ADCK1: variants seen among roughly 807,000 people sequenced by gnomAD.
The protein encoded by ADCK1 is aarF domain-containing protein kinase 1.
A neutral mutation model predicts 52.3 loss-of-function variants in ADCK1; 41 were observed. The observed-to-expected ratio is 0.78, with a 90% CI of 0.61 to 1.02. The LOEUF (loss-of-function observed/expected upper bound fraction) is 1.02, where lower values mean the gene tolerates loss of function less well. Among genes scored for constraint, ADCK1 ranks in the 50% least tolerant of loss-of-function variants. The pLI is 0.00. For missense variants in ADCK1, 658 were observed against 679.5 expected (o/e 0.97, Z 0.35); for synonymous variants, 250 against 274.6 (o/e 0.91, Z 0.89).
chr14:77,874,075 G>A (rs950841576), intron 4 of ADCK1, among the ~76,000 whole-genome samples: 1 of 152,204 alleles, frequency 6.6e-6, no homozygotes, highest in African/African-American at 2.4e-5. Context: ...TGGGGAGACT[G>A]TGGGACTAGA....
At chr14:77,868,108 C>T (rs1322669360) in intron 4 of ADCK1, among the ~76,000 whole-genome samples, 1 of 152,204 alleles carries the variant, frequency 6.6e-6, no homozygotes, top group Non-Finnish European at 1.5e-5. Context: ...TTCTGTTGTT[C>T]AGTGGCAAGT....
intron 5 of ADCK1, among the ~76,000 whole-genome samples, chr14:77,894,447 G>A (rs1195438179): frequency 2.6e-5 from 4 of 152,140 alleles, no homozygotes; most frequent in Non-Finnish European, 5.9e-5. Flanking sequence ...AAGCTCCTCT[G>A]CCTTATCTTG....
At chr14:77,852,114 T>C (rs923911053) in intron 3 of ADCK1, among the ~76,000 whole-genome samples, 14 of 152,284 alleles carry the variant, frequency 9.2e-5, no homozygotes, top group Admixed American at 8.5e-4. Flanking sequence ...TTCTTCTGCC[T>C]CAGCCTCCAG....
At chr14:77,907,587 G>A (rs2083694634) in intron 6 of ADCK1, among the ~76,000 whole-genome samples, 1 of 152,228 alleles carries the variant, frequency 6.6e-6, no homozygotes, top group African/African-American at 2.4e-5. Context: ...GTATCTAAAG[G>A]AGTGGGCGGA....
Position 77,922,709 on chromosome 14 carries a change from G to A in ADCK1, c.859-1748G>A, listed in dbSNP as rs142003860. 3.0e-4 allele frequency among the ~76,000 whole-genome samples: 45 copies of A among 152,292 alleles called. No homozygotes were observed. In the East Asian group the frequency reaches 8.5e-3, roughly 29 times the overall value. ...GGTCAGCTGGTGTGAATCTTGGCTC[G>A]ACCCTTTTCTAGCCATGAGTTAGTT... On this transcript the variant is annotated intron_variant, in intron 7 of 10. Transcript: ENST00000238561.
chr14:77,918,353 C>G (rs2083975432), intron 7 of ADCK1, among the ~76,000 whole-genome samples: 1 of 152,194 alleles, frequency 6.6e-6, no homozygotes, highest in African/African-American at 2.4e-5. Context: ...CCTAGCAACC[C>G]ATATTTCTGA....
At chr14:77,892,990 A>G (rs1432257378) in intron 5 of ADCK1, among the ~76,000 whole-genome samples, 1 of 152,186 alleles carries the variant, frequency 6.6e-6, no homozygotes, top group African/African-American at 2.4e-5. Context: ...GAAGGATGGC[A>G]GGGAAGGGAG....
At chr14:77,817,629 GCA>G (rs1056470498) in intron 1 of ADCK1, among the ~76,000 whole-genome samples, 29 of 152,196 alleles carry the variant, frequency 1.9e-4, no homozygotes, top group Admixed American at 1.8e-3. Context: ...CAGCAGGTAG[GCA>G]TTAAGCCTCT....
intron 3 of ADCK1, among the ~76,000 whole-genome samples, chr14:77,834,047 G>A (rs1307803896): frequency 6.6e-6 from 1 of 152,128 alleles, no homozygotes; most frequent in Non-Finnish European, 1.5e-5. Context: ...TATAGCCCGT[G>A]GGTACTTCCT....
intron 5 of ADCK1, among the ~76,000 whole-genome samples, chr14:77,897,022 A>T (rs1282150529): frequency 6.6e-6 from 1 of 152,152 alleles, no homozygotes; most frequent in Non-Finnish European, 1.5e-5. Context: ...CATTGGGCAA[A>T]ATATCATAGA....
At chr14:77,932,443 A>G (rs554671349) in intron 10 of ADCK1, among the ~76,000 whole-genome samples, 94 of 152,308 alleles carry the variant, frequency 6.2e-4, no homozygotes, top group Non-Finnish European at 1.3e-3. Flanking sequence ...AGAGGGTTTC[A>G]GGCTGTATTA....
chr14:77,907,389 A>G (rs1355843121), intron 6 of ADCK1, among the ~76,000 whole-genome samples: 2 of 152,232 alleles, frequency 1.3e-5, no homozygotes, highest in East Asian at 3.8e-4. Context: ...CAATGCACCC[A>G]TTACCTGGGT....
chr14:77,800,816 T>G (rs909867170), intron 1 of ADCK1, among the ~76,000 whole-genome samples: 1 of 152,258 alleles, frequency 6.6e-6, no homozygotes, highest in African/African-American at 2.4e-5. Context: ...AACAAGAAAG[T>G]CATTCAACAA....
chr14:77,831,386 C>G (rs1024298932), intron 3 of ADCK1, among the ~76,000 whole-genome samples: 1 of 152,140 alleles, frequency 6.6e-6, no homozygotes, highest in Non-Finnish European at 1.5e-5. Flanking sequence ...ATAGAATGTT[C>G]TCCTGTAGTA....
intron 3 of ADCK1, among the ~76,000 whole-genome samples, chr14:77,855,263 T>C (rs2082393947): frequency 6.6e-6 from 1 of 152,242 alleles, no homozygotes; most frequent in South Asian, 2.1e-4. Context: ...CCCAATCCCC[T>C]TGTAGTAAGT....
chr14:77,912,579 C>T (rs560810089), intron 7 of ADCK1, among the ~76,000 whole-genome samples: 7 of 152,174 alleles, frequency 4.6e-5, no homozygotes, highest in Admixed American at 4.6e-4. Flanking sequence ...GAGTGACTCC[C>T]TCCTGAGGGC....
chr14:77,818,431 G>A (rs1246884314), intron 1 of ADCK1, among the ~76,000 whole-genome samples: 1 of 151,984 alleles, frequency 6.6e-6, no homozygotes, highest in Non-Finnish European at 1.5e-5. Flanking sequence ...ACAGGCACGT[G>A]CCATGATGCC....
At chr14:77,812,279 G>T (rs969046680) in intron 1 of ADCK1, among the ~76,000 whole-genome samples, 1 of 152,038 alleles carries the variant, frequency 6.6e-6, no homozygotes, top group Non-Finnish European at 1.5e-5. Context: ...GACCAATATC[G>T]CCTAATTTCC....
intron 6 of ADCK1, among the ~76,000 whole-genome samples, chr14:77,902,069 C>A (rs2083560423): frequency 6.6e-6 from 1 of 152,182 alleles, no homozygotes; most frequent in Admixed American, 6.5e-5. Context: ...TCATTCTTCC[C>A]TAAGGTGTCC....
Sources: allele counts gnomAD v4.1 joint callset (sites outside exome capture counted in the v4.1 genomes callset), GRCh38; gene constraint gnomAD v4.1.1; transcripts MANE v1.5; gene names NCBI Gene and HGNC (gene_info 2026-07-23, HGNC 2026-07-21).